NLRP13: variants seen among roughly 807,000 people sequenced by gnomAD.
NLRP13 encodes NLR family pyrin domain containing 13.
NLRP13 carries 82 observed loss-of-function variants against 94.4 expected under a neutral mutation model. The observed-to-expected ratio is 0.87, with a 90% CI of 0.73 to 1.04. NLRP13 has a LOEUF of 1.04. Among genes scored for constraint, NLRP13 ranks in the 50% least tolerant of loss-of-function variants. The pLI is 0.00. For missense variants in NLRP13, 1,426 were observed against 1,230.8 expected (o/e 1.16, Z -2.37); for synonymous variants, 553 against 464.7 (o/e 1.19, Z -2.45).
chr19:55,905,195 G>A lies in NLRP13; in HGVS notation c.2448-83C>T, dbSNP rs139347928. On this transcript the variant is annotated intron_variant, in intron 7 of 10. Coordinates refer to ENST00000342929, the MANE Select transcript of NLRP13 (RefSeq NM_176810.2). ...TTTCTCTCTCAACCCCTTAACCCCC[G>A]AGACCCAAACATTATGGGAAGATTA... 1,707 of 1,412,692 alleles carry A rather than the reference G, an allele frequency of 1.2e-3. 12 individuals are homozygous for A. The Middle Eastern group carries it at 0.016, about 13-fold the overall frequency. The allele number at this position is 1,412,692 out of a possible 1,614,324, so 87.5% of individuals were successfully genotyped here.
chr19:55,913,636 A>G (rs189325025), intron 4 of NLRP13, among the ~76,000 whole-genome samples: 26 of 152,030 alleles, frequency 1.7e-4, no homozygotes, highest in Admixed American at 1.5e-3. Flanking sequence ...ACAGAATAAC[A>G]TAAGAGCGAT....
rs1236898852 is a variant in NLRP13 at position 55,924,505 on chromosome 19, T to C, written c.457+85A>G. The C allele has an allele frequency of 5.3e-6, 5 of 938,544 alleles. No individual in the cohort carries two copies. In the African/African-American group the frequency reaches 6.6e-5, roughly 12 times the overall value. The allele number at this position is 938,544 out of a possible 1,614,324, so 58.1% of individuals were successfully genotyped here. On this transcript the variant is annotated intron_variant, in intron 3 of 10. Transcript: ENST00000342929. ...TTTTATGTACCATAAATTCAAGAAA[T>C]TTCAGCATAGGCAGCAAATGTGGAC... is the stretch of plus-strand genomic sequence containing the variant.
At chr19:55,930,143 A>C (rs539384560) in intron 1 of NLRP13, among the ~76,000 whole-genome samples, 26 of 152,032 alleles carry the variant, frequency 1.7e-4, no homozygotes, top group African/African-American at 6.0e-4. Context: ...AGTATTGCCC[A>C]CTCTCCTTCC....
In NLRP13 at chr19:55,900,779, A is replaced by ACAAC. The variant is rs748651115; in HGVS notation, c.2789+1255_2789+1256insGTTG. ...TGACAGAACAAGACTCCATCTTAAA[A>ACAAC]AAAAAAAAAAAATCTAGAACCAGGA... On this transcript the variant is annotated intron_variant, in intron 9 of 10. Transcript: ENST00000342929. Among the ~76,000 whole-genome samples, 516 of 151,946 alleles carry ACAAC rather than the reference A, an allele frequency of 3.4e-3. 7 individuals are homozygous for ACAAC. The highest frequency in any genetic ancestry group is 7.9e-3 in the Admixed American group (121 of 15,240).
chr19:55,928,055 A>C (rs422839), intron 1 of NLRP13, among the ~76,000 whole-genome samples: 91,959 of 151,984 alleles, frequency 0.61, 28,190 homozygotes, highest in East Asian at 0.83. Context: ...ACCTGATCCA[A>C]CTGCTGAGCT....
In NLRP13 at chr19:55,930,874, T is replaced by TTA. The variant is rs372288236; in HGVS notation, c.319+1117_319+1118dup. Among the ~76,000 whole-genome samples the TTA allele has an allele frequency of 2.2e-3, 151 of 70,184 alleles. 1 individual carries two copies. Among genetic ancestry groups the TTA allele is most frequent in the Middle Eastern group, 6.1e-3 (1 of 164 alleles). The allele number at this position is 70,184 out of a possible 152,430, so 46.0% of individuals were successfully genotyped here. A position where few individuals can be genotyped will look rare whatever the true frequency, so the allele number is the denominator to read the frequency against. On this transcript the variant is annotated intron_variant, in intron 1 of 10. Coordinates refer to ENST00000342929, the MANE Select transcript of NLRP13 (RefSeq NM_176810.2). ...GGCTTACAGGAGATAGAATCAGTGA[T>TTA]TATATATATATATATATATATATAA...
At chr19:55,901,985 C>T (rs768494301) in intron 9 of NLRP13, 50 bp downstream of exon 9, 4 of 1,592,848 alleles carry the variant, frequency 2.5e-6, no homozygotes, top group Admixed American at 1.7e-5. Context: ...TGGGTCAATT[C>T]CCATGGCTCT....
chr19:55,913,864 G>A (rs303995), intron 4 of NLRP13, among the ~76,000 whole-genome samples: 103,651 of 151,804 alleles, frequency 0.68, 35,752 homozygotes, highest in Middle Eastern at 0.76. Context: ...GCACCCCAAA[G>A]ACACCTTCTA....
intron 7 of NLRP13, among the ~76,000 whole-genome samples, chr19:55,905,651 T>C (rs1480591849): frequency 1.3e-5 from 2 of 151,794 alleles, no homozygotes; most frequent in Admixed American, 6.6e-5. Context: ...AGACTCCATC[T>C]CAAAGAGAAA....
At chr19:55,923,721 G>T (rs191097010) in intron 4 of NLRP13, among the ~76,000 whole-genome samples, 193 bp downstream of exon 4, 1 of 152,008 alleles carries the variant, frequency 6.6e-6, no homozygotes, top group Non-Finnish European at 1.5e-5. Context: ...TTCGTTGTTC[G>T]GCCAGGGTCT....
intron 1 of NLRP13, 50 bp from the exon 2 acceptor site, chr19:55,925,085 G>T (rs368368512): frequency 2.0e-6 from 3 of 1,535,462 alleles, no homozygotes; most frequent in Non-Finnish European, 1.8e-6. Flanking sequence ...ACTGAAAATG[G>T]ACCAGCAATA....
At chr19:55,909,538 A>AG (rs1336810491) in intron 6 of NLRP13, among the ~76,000 whole-genome samples, 2 of 72,180 alleles carry the variant, frequency 2.8e-5, no homozygotes, top group African/African-American at 6.9e-5. Context: ...CTGGATCTCC[A>AG]GGAAAAAAAA....
chr19:55,919,648 A>G (rs1319622860), intron 4 of NLRP13, among the ~76,000 whole-genome samples: 1 of 152,102 alleles, frequency 6.6e-6, no homozygotes, highest in Non-Finnish European at 1.5e-5. Flanking sequence ...AATATATTCA[A>G]CCAAAGAGGT....
chr19:55,895,096 T>A (rs1205941332), downstream of NLRP13, among the ~76,000 whole-genome samples: 1 of 150,878 alleles, frequency 6.6e-6, no homozygotes, highest in African/African-American at 2.4e-5. Flanking sequence ...ATATTTATAT[T>A]AAAATAGGCT....
intron 4 of NLRP13, among the ~76,000 whole-genome samples, chr19:55,921,889 C>T (rs1986837753): frequency 6.6e-6 from 1 of 152,196 alleles, no homozygotes; most frequent in South Asian, 2.1e-4. Context: ...AGCCTTTCTA[C>T]TGACATGTTG....
At position 55,910,697 on chromosome 19, in the gene NLRP13, G is replaced by C. The variant is rs144412914; in HGVS notation, c.2148C>G (p.Asn716Lys). 1 of 1,611,718 alleles carries C rather than the reference G, an allele frequency of 6.2e-7. No individual in the cohort carries two copies. Among genetic ancestry groups the C allele is most frequent in the Non-Finnish European group, 8.5e-7 (1 of 1,178,144 alleles). The change falls in exon 6 of 11, where the codon AAC becomes AAG. Residue 716 changes from asparagine to lysine, a missense_variant. Asn to Lys is a moderately conservative substitution (Grantham distance 94). Transcript: ENST00000342929. ...TTGTGACCAACGTAGAGCAAATGCT[G>C]TTCCATGCGTGCATCCTGGAATCAA... ...SKFDSRMHAW[N>K]SICSTLVTNE...
intron 9 of NLRP13, among the ~76,000 whole-genome samples, chr19:55,899,311 G>A (rs115961985): frequency 0.02 from 3,006 of 152,186 alleles, 98 homozygotes; most frequent in African/African-American, 0.068. Context: ...CTCCCATAAC[G>A]GCAGGTCTGA....
intron 1 of NLRP13, among the ~76,000 whole-genome samples, chr19:55,929,585 T>A (rs1987055838): frequency 1.3e-5 from 2 of 151,894 alleles, no homozygotes; most frequent in African/African-American, 2.4e-5. Context: ...TGAGAACACA[T>A]GGACACAGGG....
chr19:55,894,805 C>T (rs1014606601), downstream of NLRP13, among the ~76,000 whole-genome samples: 1 of 152,134 alleles, frequency 6.6e-6, no homozygotes, highest in Non-Finnish European at 1.5e-5. Context: ...GAAAAAGAAG[C>T]CACAAGTTAA....
Sources: allele counts gnomAD v4.1 joint callset (sites outside exome capture counted in the v4.1 genomes callset), GRCh38; gene constraint gnomAD v4.1.1; transcripts MANE v1.5; gene names NCBI Gene and HGNC (gene_info 2026-07-23, HGNC 2026-07-21).